RXFP1: variants seen among roughly 807,000 people sequenced by gnomAD.
RXFP1 encodes relaxin family peptide receptor 1.
RXFP1 carries 73 observed loss-of-function variants against 89.8 expected under a neutral mutation model. The ratio of observed to expected loss-of-function variants is 0.81; its 90% CI spans 0.67 to 0.99. The LOEUF (loss-of-function observed/expected upper bound fraction) is 0.99. RXFP1 is among the 50% of genes least tolerant of loss of function. The pLI, the probability that RXFP1 is intolerant of heterozygous loss-of-function variation, is 0.00. For synonymous variants in RXFP1, 277 were observed against 305.5 expected (o/e 0.91, Z 0.97); for missense variants, 793 against 895.5 (o/e 0.89, Z 1.46).
chr4:158,525,453 A>C (rs1742273941), intron 1 of RXFP1, among the ~76,000 whole-genome samples: 1 of 152,176 alleles, frequency 6.6e-6, no homozygotes, highest in Non-Finnish European at 1.5e-5. Context: ...AAAATTAATG[A>C]ATCTGTGCAA....
chr4:158,574,488 A>C (rs1213243201), intron 2 of RXFP1, among the ~76,000 whole-genome samples: 1 of 152,220 alleles, frequency 6.6e-6, no homozygotes. Context: ...TGCCTCTGAT[A>C]ATCACAAACA....
intron 2 of RXFP1, among the ~76,000 whole-genome samples, chr4:158,578,060 T>C (rs1756603377): frequency 6.6e-6 from 1 of 152,192 alleles, no homozygotes; most frequent in African/African-American, 2.4e-5. Flanking sequence ...TCCTTTTTTC[T>C]AAAATATTTA....
intron 1 of RXFP1, among the ~76,000 whole-genome samples, chr4:158,570,287 G>A (rs1754758421): frequency 6.6e-6 from 1 of 152,174 alleles, no homozygotes; most frequent in Non-Finnish European, 1.5e-5. Context: ...AGGAATCGGG[G>A]AAGGTATAAA....
chr4:158,594,718 A>C (rs1760201150), intron 3 of RXFP1, among the ~76,000 whole-genome samples: 1 of 152,182 alleles, frequency 6.6e-6, no homozygotes, highest in Admixed American at 6.5e-5. Flanking sequence ...CAGTTGAATA[A>C]GTATATTTTA....
chr4:158,639,078 G>A (rs2150232554), intron 13 of RXFP1, among the ~76,000 whole-genome samples, 182 bp from the exon 14 acceptor site: 1 of 152,208 alleles, frequency 6.6e-6, no homozygotes, highest in South Asian at 2.1e-4. Context: ...GATAATACGT[G>A]TATAAATAAC....
intron 8 of RXFP1, among the ~76,000 whole-genome samples, chr4:158,616,198 G>T (rs1270726027): frequency 6.6e-6 from 1 of 152,172 alleles, no homozygotes; most frequent in African/African-American, 2.4e-5. Context: ...GAGGTGGGCA[G>T]ATCACCTGAG....
intron 1 of RXFP1, among the ~76,000 whole-genome samples, chr4:158,534,049 G>T (rs1478269203): frequency 6.6e-6 from 1 of 152,030 alleles, no homozygotes; most frequent in African/African-American, 2.4e-5. Context: ...AAGGAGTAAG[G>T]AATAGTCTCA....
At chr4:158,550,497 C>T (rs1012893007) in intron 1 of RXFP1, among the ~76,000 whole-genome samples, 4 of 152,194 alleles carry the variant, frequency 2.6e-5, no homozygotes, top group African/African-American at 7.2e-5. Flanking sequence ...GAGATGAACC[C>T]GGTACCTCAG....
At chr4:158,556,685 G>A (rs1236385946) in intron 1 of RXFP1, among the ~76,000 whole-genome samples, 1 of 151,996 alleles carries the variant, frequency 6.6e-6, no homozygotes, top group Non-Finnish European at 1.5e-5. Flanking sequence ...CAGAATAATG[G>A]ATAAAAGAAA....
At chr4:158,633,909 G>A (rs1467073530) in intron 12 of RXFP1, among the ~76,000 whole-genome samples, 1 of 152,002 alleles carries the variant, frequency 6.6e-6, no homozygotes, top group Admixed American at 6.6e-5. Flanking sequence ...TATATGTATT[G>A]CAGTGTTTAT....
chr4:158,618,854 CA>C (rs201851099), intron 9 of RXFP1, among the ~76,000 whole-genome samples: 33 of 148,142 alleles, frequency 2.2e-4, no homozygotes, highest in Middle Eastern at 3.4e-3. Context: ...TTGTAAAATT[CA>C]AAAAAAAAGA....
chr4:158,609,505 T>C (rs556678126), intron 6 of RXFP1, among the ~76,000 whole-genome samples: 1 of 152,334 alleles, frequency 6.6e-6, no homozygotes, highest in African/African-American at 2.4e-5. Flanking sequence ...ATCACATGAA[T>C]ACATAACTCC....
intron 2 of RXFP1, among the ~76,000 whole-genome samples, chr4:158,591,851 T>C (rs1464110834): frequency 6.6e-6 from 1 of 152,228 alleles, no homozygotes; most frequent in Non-Finnish European, 1.5e-5. Context: ...TCTCTGTTCA[T>C]ATGTTTGGGC....
chr4:158,595,291 A>C (rs560458225), intron 3 of RXFP1, among the ~76,000 whole-genome samples: 10 of 152,358 alleles, frequency 6.6e-5, no homozygotes, highest in African/African-American at 2.2e-4. Context: ...TGAATGAGCA[A>C]TCAATGGCTA....
intron 1 of RXFP1, among the ~76,000 whole-genome samples, chr4:158,547,967 T>C (rs1191994741): frequency 6.6e-6 from 1 of 152,204 alleles, no homozygotes; most frequent in Non-Finnish European, 1.5e-5. Flanking sequence ...CTATTAGGTC[T>C]GCTGGGTGCA....
chr4:158,538,313 T>C (rs926676802), intron 1 of RXFP1, among the ~76,000 whole-genome samples: 4 of 152,080 alleles, frequency 2.6e-5, no homozygotes, highest in Admixed American at 6.6e-5. Flanking sequence ...GAAGTCCAAG[T>C]GAGAGACAGC....
Position 158,639,281 on chromosome 4 carries a change from T to G in RXFP1, c.1065T>G (p.Ile355Met), listed in dbSNP as rs767051892. The change falls in exon 14 of 18, where the codon ATT (isoleucine) becomes ATG (methionine). Residue 355 changes from isoleucine (I) to methionine (M), a missense_variant. Ile to Met is a conservative substitution (Grantham distance 10, BLOSUM62 1). Coordinates refer to ENST00000307765, the MANE Select transcript of RXFP1 (RefSeq NM_021634.4). ...LKSLSLEGIE[I>M]SNIQQRMFRP... ...TTAGCAGCCTAGAAGGGATTGAAAT[T>G]TCAAATATCCAACAAAGGATGTTTA... The G allele has an allele frequency of 1.9e-6, 3 of 1,565,066 alleles. No individual in the cohort carries two copies. In the African/African-American group the frequency reaches 4.1e-5, roughly 21 times the overall value.
At chr4:158,613,594 T>A (rs1457007683) in intron 8 of RXFP1, among the ~76,000 whole-genome samples, 1 of 152,230 alleles carries the variant, frequency 6.6e-6, no homozygotes, top group Non-Finnish European at 1.5e-5. Flanking sequence ...ATCATGAGAT[T>A]GCAGCAATTC....
At chr4:158,528,768 G>A (rs1320752004) in intron 1 of RXFP1, among the ~76,000 whole-genome samples, 1 of 152,224 alleles carries the variant, frequency 6.6e-6, no homozygotes, top group Non-Finnish European at 1.5e-5. Flanking sequence ...AACTTCTCAG[G>A]AGTAATTTAT....
Sources: gnomAD v4.1 joint callset for allele counts (sites outside exome capture counted in the v4.1 genomes callset) on GRCh38, gnomAD v4.1.1 for gene constraint, MANE v1.5 for transcripts, NCBI Gene and HGNC (gene_info 2026-07-23, HGNC 2026-07-21) for gene names.